GRIK2: variants seen among roughly 807,000 people sequenced by gnomAD.
GRIK2 encodes the protein glutamate ionotropic receptor kainate type subunit 2.
A neutral mutation model predicts 100.3 loss-of-function variants in GRIK2; 32 were observed. The ratio of observed to expected loss-of-function variants is 0.32; its 90% confidence interval spans 0.24 to 0.43. The LOEUF (loss-of-function observed/expected upper bound fraction) is 0.43. GRIK2 is among the 20% of genes least tolerant of loss of function. GRIK2 has a pLI of 1.00. For synonymous variants in GRIK2, 417 were observed against 389.4 expected (o/e 1.07, Z -0.83); for missense variants, 843 against 1,114.9 (o/e 0.76, Z 3.47).
chr6:101,640,081 T>C (rs1781215609), intron 4 of GRIK2, among the ~76,000 whole-genome samples: 1 of 152,224 alleles, frequency 6.6e-6, no homozygotes, highest in Non-Finnish European at 1.5e-5. Context: ...CAAAACTTAT[T>C]GTGTAACATA....
intron 16 of GRIK2, chr6:102,065,963 A>C: frequency 8.2e-7 from 1 of 1,214,454 alleles, no homozygotes; most frequent in Non-Finnish European, 1.1e-6. Flanking sequence ...CTGTTTCCAT[A>C]TACTGGCTGT....
chr6:102,033,239 G>GA (rs1210390499), intron 14 of GRIK2, among the ~76,000 whole-genome samples: 2 of 148,232 alleles, frequency 1.3e-5, no homozygotes, highest in Admixed American at 1.3e-4. Context: ...TATTTTGCTT[G>GA]AAAAAAATTC....
chr6:101,990,678 T>A (rs1794303672), intron 14 of GRIK2, among the ~76,000 whole-genome samples: 1 of 151,532 alleles, frequency 6.6e-6, no homozygotes, highest in South Asian at 2.1e-4. Flanking sequence ...AAGGGAGGAT[T>A]TTGAGGGTGC....
intron 10 of GRIK2, among the ~76,000 whole-genome samples, chr6:101,826,294 A>G (rs1782324379): frequency 6.6e-6 from 1 of 152,056 alleles, no homozygotes; most frequent in Non-Finnish European, 1.5e-5. Context: ...AGGAAAGAGG[A>G]AAGAGATGGC....
intron 7 of GRIK2, among the ~76,000 whole-genome samples, chr6:101,729,684 G>C (rs1284664964): frequency 6.7e-6 from 1 of 149,042 alleles, no homozygotes; most frequent in Non-Finnish European, 1.5e-5. Flanking sequence ...TAAGACCGTG[G>C]TGTGGGAAGA....
intron 2 of GRIK2, among the ~76,000 whole-genome samples, chr6:101,478,095 A>G (rs148496519): frequency 5.4e-4 from 83 of 152,304 alleles, no homozygotes; most frequent in African/African-American, 1.9e-3. Flanking sequence ...TACATTTTTG[A>G]ATAAGAGTAT....
At chr6:101,524,073 A>G (rs1160108008) in intron 2 of GRIK2, among the ~76,000 whole-genome samples, 5 of 152,292 alleles carry the variant, frequency 3.3e-5, no homozygotes, top group Admixed American at 2.0e-4. Context: ...ATTCAGATCA[A>G]TGAGCTCTGT....
intron 2 of GRIK2, among the ~76,000 whole-genome samples, chr6:101,448,179 A>G (rs1770481399): frequency 6.6e-6 from 1 of 151,712 alleles, no homozygotes; most frequent in Non-Finnish European, 1.5e-5. Flanking sequence ...GTTTTCCTCA[A>G]ATTTCTTAAC....
intron 14 of GRIK2, among the ~76,000 whole-genome samples, chr6:101,987,121 A>G (rs1170434643): frequency 1.3e-5 from 2 of 151,872 alleles, no homozygotes; most frequent in African/African-American, 4.8e-5. Flanking sequence ...ACGGCACTTC[A>G]GCCTGGGTGA....
chr6:101,449,796 C>T (rs1770573686), intron 2 of GRIK2, among the ~76,000 whole-genome samples: 1 of 151,558 alleles, frequency 6.6e-6, no homozygotes, highest in Non-Finnish European at 1.5e-5. Flanking sequence ...TAATACTTTC[C>T]AGATATTTCA....
intron 2 of GRIK2, among the ~76,000 whole-genome samples, chr6:101,556,714 G>A (rs1052057200): frequency 6.6e-6 from 1 of 152,024 alleles, no homozygotes; most frequent in Non-Finnish European, 1.5e-5. Flanking sequence ...TATTCGCATT[G>A]CACAAAAGAG....
At chr6:102,047,759 GA>G (rs570902275) in intron 15 of GRIK2, among the ~76,000 whole-genome samples, 177 of 144,910 alleles carry the variant, frequency 1.2e-3, no homozygotes, top group Middle Eastern at 3.6e-3. Context: ...AAAGAAAAAA[GA>G]AAAAAAAAAT....
At chr6:102,018,208 T>A (rs1769223635) in intron 14 of GRIK2, among the ~76,000 whole-genome samples, 1 of 152,126 alleles carries the variant, frequency 6.6e-6, no homozygotes, top group African/African-American at 2.4e-5. Context: ...GATCTCAGGC[T>A]TTTGGTGAGC....
intron 2 of GRIK2, among the ~76,000 whole-genome samples, chr6:101,399,745 A>C (rs1311086653): frequency 6.6e-6 from 1 of 152,142 alleles, no homozygotes; most frequent in Non-Finnish European, 1.5e-5. Context: ...GGTCCGCGCA[A>C]AAGTGCGCGC....
At chr6:101,567,703 T>G (rs566329950) in intron 2 of GRIK2, among the ~76,000 whole-genome samples, 48 of 152,090 alleles carry the variant, frequency 3.2e-4, no homozygotes, top group African/African-American at 1.1e-3. Flanking sequence ...AAGTTACACT[T>G]CTGTTTCTTA....
chr6:101,808,161 C>T (rs1379563393), intron 9 of GRIK2, among the ~76,000 whole-genome samples: 1 of 151,914 alleles, frequency 6.6e-6, no homozygotes, highest in Non-Finnish European at 1.5e-5. Context: ...TAAGATGTTA[C>T]AGAAATATTC....
At chr6:101,590,654 G>C (rs915642959) in intron 2 of GRIK2, among the ~76,000 whole-genome samples, 1 of 151,918 alleles carries the variant, frequency 6.6e-6, no homozygotes, top group Non-Finnish European at 1.5e-5. Context: ...GTCATCCTAT[G>C]TGCTGTAGTC....
At chr6:101,585,804 G>A (rs1582771716) in intron 2 of GRIK2, among the ~76,000 whole-genome samples, 1 of 152,016 alleles carries the variant, frequency 6.6e-6, no homozygotes, top group Non-Finnish European at 1.5e-5. Context: ...TAAGTTTGAG[G>A]CAGCTACAGT....
chr6:101,483,679 ATT>A (rs1391337634), intron 2 of GRIK2, among the ~76,000 whole-genome samples: 8 of 152,138 alleles, frequency 5.3e-5, no homozygotes, highest in Non-Finnish European at 7.4e-5. Context: ...AGTTCAAGCA[ATT>A]CTCCCTGCCT....
Sources: allele counts gnomAD v4.1 joint callset (sites outside exome capture counted in the v4.1 genomes callset), GRCh38; gene constraint gnomAD v4.1.1; transcripts MANE v1.5; gene names NCBI Gene and HGNC (gene_info 2026-07-23, HGNC 2026-07-21).